Variants in AGBL4 observed in about 807,000 individuals in gnomAD.
AGBL4 encodes AGBL carboxypeptidase 4, also known as cytosolic carboxypeptidase 6.
Under a neutral mutation model 66.4 loss-of-function variants are expected in AGBL4, and 58 were observed. The observed-to-expected ratio is 0.87, with a 90% CI of 0.71 to 1.09. The LOEUF is 1.09. AGBL4 is among the 50% of genes least tolerant of loss of function. The probability of loss-of-function intolerance (pLI) is 0.00; values close to 1 mark genes in which losing one functional copy is unlikely to be tolerated. For synonymous variants in AGBL4, 234 were observed against 222.9 expected (o/e 1.05, Z -0.44); for missense variants, 579 against 631.0 (o/e 0.92, Z 0.88).
At chr1:49,983,998 T>C (rs890770979) in intron 1 of AGBL4, among the ~76,000 whole-genome samples, 5 of 152,194 alleles carry the variant, frequency 3.3e-5, no homozygotes, top group Admixed American at 2.0e-4. Flanking sequence ...ATTGTTAAAA[T>C]AGAGATCATG....
Position 49,867,427 on chromosome 1 carries a change from T to C in AGBL4, c.35-15909A>G, listed in dbSNP as rs537970946. Among the ~76,000 whole-genome samples the C allele has an allele frequency of 7.9e-5, 12 of 151,652 alleles. No homozygotes were observed. In the South Asian group the frequency reaches 2.5e-3, roughly 32 times the overall value. ...CATATGTATACATGTGCCATGTTGG[T>C]GTGCTGCACCCATTAACTTGTCATT... On this transcript the variant is annotated intron_variant, in intron 1 of 13. Transcript: ENST00000371839.
intron 2 of AGBL4, among the ~76,000 whole-genome samples, chr1:49,740,990 C>G (rs375234913): frequency 2.0e-5 from 3 of 152,034 alleles, no homozygotes; most frequent in African/African-American, 7.3e-5. Flanking sequence ...ATTAAAATAA[C>G]TAGAGAAGCA....
At chr1:49,615,528 T>A (rs1036544243) in intron 3 of AGBL4, among the ~76,000 whole-genome samples, 1 of 152,134 alleles carries the variant, frequency 6.6e-6, no homozygotes, top group African/African-American at 2.4e-5. Context: ...CTGCCAGATA[T>A]GCCGACAGTT....
At chr1:48,943,204 T>C (rs1326680677) in intron 5 of AGBL4, among the ~76,000 whole-genome samples, 1 of 152,196 alleles carries the variant, frequency 6.6e-6, no homozygotes, top group Non-Finnish European at 1.5e-5. Flanking sequence ...CCACTGACAA[T>C]GTCCCTGCCC....
intron 3 of AGBL4, among the ~76,000 whole-genome samples, chr1:49,369,902 A>G (rs1405585616): frequency 1.3e-5 from 2 of 151,812 alleles, no homozygotes; most frequent in Non-Finnish European, 2.9e-5. Context: ...AAAATTCTCC[A>G]TAATGAAGGT....
At chr1:49,888,702 T>C (rs1413742581) in intron 1 of AGBL4, among the ~76,000 whole-genome samples, 1 of 152,082 alleles carries the variant, frequency 6.6e-6, no homozygotes, top group East Asian at 1.9e-4. Context: ...AAAATAAATA[T>C]CTAATGAACA....
At chr1:49,573,146 C>CTGTG (rs57980631) in intron 3 of AGBL4, among the ~76,000 whole-genome samples, 3,340 of 136,622 alleles carry the variant, frequency 0.024, 67 homozygotes, top group African/African-American at 0.051. Flanking sequence ...GTGTGTGTGT[C>CTGTG]TGTGTGTGTG....
intron 11 of AGBL4, chr1:48,586,737 A>G (rs2148340165): frequency 2.4e-6 from 1 of 413,088 alleles, no homozygotes; most frequent in Admixed American, 3.7e-5. Context: ...GAGGGGAGAG[A>G]GATGGAAGCA....
intron 1 of AGBL4, among the ~76,000 whole-genome samples, chr1:49,962,815 G>A (rs1292073619): frequency 6.6e-6 from 1 of 152,098 alleles, no homozygotes; most frequent in Non-Finnish European, 1.5e-5. Flanking sequence ...GAGCTAAAGA[G>A]GACCTATAAG....
At chr1:49,927,155 GC>G (rs1189247309) in intron 1 of AGBL4, among the ~76,000 whole-genome samples, 1 of 152,088 alleles carries the variant, frequency 6.6e-6, no homozygotes, top group Non-Finnish European at 1.5e-5. Flanking sequence ...GCCTTTCCCA[GC>G]CCACCAACTC....
chr1:49,756,963 T>C (rs542403770), intron 2 of AGBL4, among the ~76,000 whole-genome samples: 2 of 152,300 alleles, frequency 1.3e-5, no homozygotes, highest in Non-Finnish European at 2.9e-5. Context: ...AGGGACAGAA[T>C]GATATGGATT....
At chr1:48,727,922 A>G in intron 6 of AGBL4, 1 of 1,607,944 alleles carries the variant, frequency 6.2e-7, no homozygotes, top group Non-Finnish European at 8.5e-7. Flanking sequence ...TTCGTTCTTC[A>G]TTTTTACAGG....
At chr1:49,198,149 T>C (rs1178866892) in intron 4 of AGBL4, among the ~76,000 whole-genome samples, 1 of 152,016 alleles carries the variant, frequency 6.6e-6, no homozygotes, top group African/African-American at 2.4e-5. Flanking sequence ...GAAAGGTGCA[T>C]GACAGAGGGA....
At chr1:48,565,859 G>A (rs1332916356) in intron 11 of AGBL4, among the ~76,000 whole-genome samples, 1 of 152,190 alleles carries the variant, frequency 6.6e-6, no homozygotes, top group Non-Finnish European at 1.5e-5. Flanking sequence ...CCTTAATCCT[G>A]CAACTTCACT....
intron 2 of AGBL4, among the ~76,000 whole-genome samples, chr1:49,711,996 G>C (rs1175790857): frequency 6.6e-6 from 1 of 151,840 alleles, no homozygotes; most frequent in Non-Finnish European, 1.5e-5. Context: ...GACTATAATG[G>C]GATGATAGTA....
intron 1 of AGBL4, among the ~76,000 whole-genome samples, chr1:49,887,475 G>A (rs1482988763): frequency 6.6e-6 from 1 of 151,968 alleles, no homozygotes; most frequent in African/African-American, 2.4e-5. Context: ...CAAAAGAACA[G>A]CTGGGAGAAT....
chr1:49,365,116 A>T (rs982409988), intron 3 of AGBL4, among the ~76,000 whole-genome samples: 31 of 152,310 alleles, frequency 2.0e-4, no homozygotes, highest in Non-Finnish European at 4.1e-4. Context: ...CAAATGAGAG[A>T]GGAGACTTGA....
intron 6 of AGBL4, among the ~76,000 whole-genome samples, chr1:48,786,807 G>A (rs1213941917): frequency 6.7e-6 from 1 of 149,746 alleles, no homozygotes; most frequent in Non-Finnish European, 1.5e-5. Context: ...AGGATTATCT[G>A]AGCCAAAAAA....
At chr1:49,527,454 A>AT (rs1396791127) in intron 3 of AGBL4, 1 of 152,626 alleles carries the variant, frequency 6.6e-6, no homozygotes, top group Non-Finnish European at 1.5e-5. Flanking sequence ...AATCAAAAAC[A>AT]TTAAATAAGC....
Sources: allele counts gnomAD v4.1 joint callset (sites outside exome capture counted in the v4.1 genomes callset), GRCh38; gene constraint gnomAD v4.1.1; transcripts MANE v1.5; gene names NCBI Gene and HGNC (gene_info 2026-07-23, HGNC 2026-07-21).